MGMT: variants seen among roughly 807,000 people sequenced by gnomAD.
The protein encoded by MGMT is O-6-methylguanine-DNA methyltransferase.
Under a neutral mutation model 15.9 loss-of-function variants are expected in MGMT, and 14 were observed. That is an observed-to-expected ratio of 0.88 (90% CI 0.58 to 1.37). The LOEUF (loss-of-function observed/expected upper bound fraction) is 1.37. MGMT is among the 40% of genes most tolerant of loss of function. The probability of loss-of-function intolerance (pLI) is 0.00; values close to 1 mark genes in which losing one functional copy is unlikely to be tolerated. For missense variants in MGMT, 282 were observed against 268.1 expected, an observed-to-expected ratio of 1.05 and a Z score of -0.36; for synonymous variants, 130 against 118.2, an observed-to-expected ratio of 1.10 and a Z score of -0.65.
intron 3 of MGMT, among the ~76,000 whole-genome samples, chr10:129,737,053 C>T (rs991874228): frequency 6.6e-5 from 10 of 151,896 alleles, no homozygotes; most frequent in African/African-American, 1.9e-4. Flanking sequence ...TTGCTCTTCT[C>T]GAGGAGTATC....
rs1845518796 is a variant in MGMT at position 129,496,155 on chromosome 10, A to G, written c.-13+28859A>G. ...ATTGGTAATTTATTTCTTAGAGATC[A>G]AATGTTGCTACAAGCTGAAAACTGT... is the stretch of plus-strand genomic sequence containing the variant. On this transcript the variant is annotated intron_variant, in intron 1 of 4. Coordinates refer to ENST00000651593, the MANE Select transcript of MGMT (RefSeq NM_002412.5). 2.6e-5 allele frequency among the ~76,000 whole-genome samples: 4 copies of G among 152,144 alleles called. 1 individual carries two copies. The highest frequency in any genetic ancestry group is 4.1e-4 in the South Asian group (2 of 4,828).
At chr10:129,710,219 C>T (rs1057311697) in intron 3 of MGMT, among the ~76,000 whole-genome samples, 2 of 152,208 alleles carry the variant, frequency 1.3e-5, no homozygotes, top group African/African-American at 4.8e-5. Flanking sequence ...CTGGTAAAGG[C>T]TGTCTGGCTC....
chr10:129,546,943 A>G (rs938149521), intron 2 of MGMT, among the ~76,000 whole-genome samples: 1 of 152,314 alleles, frequency 6.6e-6, no homozygotes, highest in Middle Eastern at 3.4e-3. Flanking sequence ...CAGTGGGGAC[A>G]CAGAGCCAGA....
At chr10:129,511,405 T>C (rs1345954511) in intron 1 of MGMT, among the ~76,000 whole-genome samples, 2 of 151,838 alleles carry the variant, frequency 1.3e-5, no homozygotes, top group African/African-American at 4.8e-5. Flanking sequence ...GCCTGGTGCT[T>C]CCCATGATGA....
At chr10:129,495,598 T>C (rs1440817582) in intron 1 of MGMT, among the ~76,000 whole-genome samples, 1 of 152,214 alleles carries the variant, frequency 6.6e-6, no homozygotes, top group East Asian at 1.9e-4. Flanking sequence ...TCTCTTTTGA[T>C]AGGTCCTACT....
chr10:129,618,293 G>A lies in MGMT; in HGVS notation c.125+81916G>A, dbSNP rs145034919. ...AGTGCTGGCAAGTGCCAAGCCTTAC[G>A]ATAGATGTTGTACCTTTTGACAAAT... is the stretch of plus-strand genomic sequence containing the variant. On this transcript the variant is annotated intron_variant, in intron 2 of 4. Transcript: ENST00000651593. Among the ~76,000 whole-genome samples the A allele has an allele frequency of 1.2e-3, 180 of 152,204 alleles. 1 individual carries two copies. The highest frequency in any genetic ancestry group is 0.012 in the East Asian group (60 of 5,184).
At chr10:129,587,243 T>G (rs919947130) in intron 2 of MGMT, among the ~76,000 whole-genome samples, 14 of 152,056 alleles carry the variant, frequency 9.2e-5, no homozygotes, top group Non-Finnish European at 1.9e-4. Context: ...TGGGCTTCAT[T>G]GAGTTTCTTG....
At chr10:129,601,040 G>A (rs1846815535) in intron 2 of MGMT, among the ~76,000 whole-genome samples, 1 of 151,072 alleles carries the variant, frequency 6.6e-6, no homozygotes, top group African/African-American at 2.4e-5. Flanking sequence ...GATTTAAGTA[G>A]CCTCCATATG....
chr10:129,660,827 G>T (rs915493151), intron 2 of MGMT, among the ~76,000 whole-genome samples: 4 of 151,826 alleles, frequency 2.6e-5, no homozygotes, highest in African/African-American at 7.3e-5. Context: ...TTGCATAGCC[G>T]GAGTAGGGAG....
At chr10:129,506,584 C>T (rs1411184141) in intron 1 of MGMT, among the ~76,000 whole-genome samples, 1 of 152,074 alleles carries the variant, frequency 6.6e-6, no homozygotes, top group Non-Finnish European at 1.5e-5. Flanking sequence ...GTGGCTGCCT[C>T]GATGCTATTG....
intron 2 of MGMT, among the ~76,000 whole-genome samples, chr10:129,697,683 C>G (rs954032910): frequency 6.6e-6 from 1 of 152,176 alleles, no homozygotes; most frequent in Non-Finnish European, 1.5e-5. Flanking sequence ...TTCATGTACC[C>G]CTGCCCAAGG....
At chr10:129,737,587 T>C (rs200986514) in intron 3 of MGMT, among the ~76,000 whole-genome samples, 23 of 150,010 alleles carry the variant, frequency 1.5e-4, no homozygotes, top group South Asian at 6.3e-4. Flanking sequence ...CTTTGTTCCG[T>C]TGCTGGTGAG....
At chr10:129,697,153 C>T (rs1323564724) in intron 2 of MGMT, among the ~76,000 whole-genome samples, 2 of 152,170 alleles carry the variant, frequency 1.3e-5, no homozygotes, top group Non-Finnish European at 2.9e-5. Flanking sequence ...GTTACTCATT[C>T]CCATTGTCTT....
chr10:129,553,176 A>G (rs1373862601), intron 2 of MGMT, among the ~76,000 whole-genome samples: 2 of 152,222 alleles, frequency 1.3e-5, no homozygotes, highest in Non-Finnish European at 2.9e-5. Flanking sequence ...TCTCAGTTTA[A>G]TATCCTCTGA....
intron 3 of MGMT, among the ~76,000 whole-genome samples, chr10:129,726,363 T>C (rs955363616): frequency 2.0e-5 from 3 of 152,126 alleles, no homozygotes; most frequent in African/African-American, 7.2e-5. Context: ...CAGGCGAGAC[T>C]TGTCCTTGGG....
chr10:129,745,788 CT>C (rs963313578), intron 3 of MGMT, among the ~76,000 whole-genome samples: 4 of 151,754 alleles, frequency 2.6e-5, no homozygotes, highest in African/African-American at 7.3e-5. Context: ...AGTCTTTTGC[CT>C]TTTTTTTAAG....
chr10:129,715,543 C>G (rs888199816), intron 3 of MGMT: 5 of 152,152 alleles, frequency 3.3e-5, no homozygotes, highest in South Asian at 2.1e-4. Context: ...ATGTGCCGCT[C>G]CAAAAGAGAA....
intron 3 of MGMT, among the ~76,000 whole-genome samples, chr10:129,709,146 C>T (rs1269786598): frequency 6.6e-6 from 1 of 152,206 alleles, no homozygotes; most frequent in East Asian, 1.9e-4. Context: ...GTGGGGATCT[C>T]TAGGATGGGC....
chr10:129,540,338 G>A (rs1846029833), intron 2 of MGMT, among the ~76,000 whole-genome samples: 1 of 152,108 alleles, frequency 6.6e-6, no homozygotes, highest in Non-Finnish European at 1.5e-5. Context: ...AAGACAATAG[G>A]CTTCTTCCTT....
Sources: gnomAD v4.1 joint callset for allele counts (sites outside exome capture counted in the v4.1 genomes callset) on GRCh38, gnomAD v4.1.1 for gene constraint, MANE v1.5 for transcripts, NCBI Gene and HGNC (gene_info 2026-07-23, HGNC 2026-07-21) for gene names.